Variants in ABR observed in about 807,000 individuals in gnomAD.
ABR encodes the protein active breakpoint cluster region-related protein.
ABR carries 35 observed loss-of-function variants against 107.2 expected under a neutral mutation model. That is an observed-to-expected ratio of 0.33 (90% confidence interval 0.25 to 0.43). The LOEUF is 0.43. ABR is among the 20% of genes least tolerant of loss of function. The pLI is 1.00. For synonymous variants in ABR, 498 were observed against 462.0 expected (o/e 1.08, Z -1.00); for missense variants, 815 against 1,115.2 (o/e 0.73, Z 3.83).
chr17:1,041,209 T>C (rs1201287045), intron 16 of ABR, among the ~76,000 whole-genome samples: 2 of 152,070 alleles, frequency 1.3e-5, no homozygotes, highest in East Asian at 3.9e-4. Context: ...TGAACCACCG[T>C]GCCTGGCCTA....
rs1007381758 is a variant in ABR at position 1,057,023 on chromosome 17, G to A, written c.1461C>T (p.Asn487=). Residue 487 remains asparagine, a synonymous_variant, in exon 13 of 23, where the codon AAC becomes AAT. Transcript: ENST00000302538. ...CGTCTTTATTGCTGGTGACAGGAAT[G>A]TTGTGTACAGTCCTAAGCTTGAAAC... ...GSCFKLRTVH[N]IPVTSNKDDD... is the part of the protein sequence containing the mutation. 1.1e-5 allele frequency: 18 copies of A among 1,611,486 alleles called. No homozygotes were observed. The highest frequency in any genetic ancestry group is 1.5e-5 in the Non-Finnish European group (18 of 1,178,076).
chr17:1,012,598 A>T (rs2070710729), intron 18 of ABR, 90 bp downstream of exon 18: 2 of 926,462 alleles, frequency 2.2e-6, no homozygotes, highest in Non-Finnish European at 3.4e-6. Context: ...AGGTGCCAGG[A>T]TGGGCACCGG....
At chr17:1,162,842 G>A (rs373135917) in intron 1 of ABR, among the ~76,000 whole-genome samples, 3 of 152,242 alleles carry the variant, frequency 2.0e-5, no homozygotes, top group African/African-American at 7.2e-5. Flanking sequence ...GGGAGGCTGA[G>A]GCAGGTGGAT....
rs56213538 is a variant in ABR at position 1,053,402 on chromosome 17, T to C, written c.1561+2633A>G. Among the ~76,000 whole-genome samples the C allele has an allele frequency of 9.3e-3, 119 of 12,740 alleles. 7 individuals are homozygous for C. The highest frequency in any genetic ancestry group is 0.024 in the African/African-American group (84 of 3,468). The allele number at this position is 12,740 out of a possible 152,430, so 8.4% of individuals were successfully genotyped here. The stretch of plus-strand genomic sequence containing the variant: ...GGTTCCGGAACGGGCTGGGGGAGGG[T>C]TCACAGGGTCAGAGGGAGGGTTCCG... On this transcript the variant is annotated intron_variant, in intron 14 of 22. Coordinates refer to ENST00000302538, the MANE Select transcript of ABR (RefSeq NM_021962.5).
chr17:1,050,753 C>T lies in ABR; in HGVS notation c.1562-119G>A, dbSNP rs2032392576. On this transcript the variant is annotated intron_variant, in intron 14 of 22. Coordinates refer to ENST00000302538, the MANE Select transcript of ABR (RefSeq NM_021962.5). The surrounding 1 kb of genome is among the most constrained non-coding windows in gnomAD (Gnocchi z 4.6). ...TCCTTTCCAACGTCCCCACGGATGG[C>T]ATCTTGGCTCTCTCCTCCCTGAAGC... The T allele has an allele frequency of 8.8e-6, 7 of 791,932 alleles. No individual in the cohort carries two copies. The highest frequency in any genetic ancestry group is 1.5e-5 in the Non-Finnish European group (7 of 467,288). The allele number at this position is 791,932 out of a possible 1,614,324, so 49.1% of individuals were successfully genotyped here. A position where few individuals can be genotyped will look rare whatever the true frequency, so the allele number is the denominator to read the frequency against.
At chr17:1,014,687 AT>A (rs1181743859) in intron 16 of ABR, among the ~76,000 whole-genome samples, 2 of 151,186 alleles carry the variant, frequency 1.3e-5, no homozygotes, top group East Asian at 2.0e-4. Context: ...AAAAAAAAAA[AT>A]ACAAAAAATT....
At chr17:1,109,314 C>T (rs1236180666) in intron 2 of ABR, among the ~76,000 whole-genome samples, 2 of 151,828 alleles carry the variant, frequency 1.3e-5, no homozygotes, top group African/African-American at 2.4e-5. Flanking sequence ...ACGCCGTGCC[C>T]GGCCCGTGGC....
At chr17:1,024,395 C>T (rs934312498) in intron 16 of ABR, among the ~76,000 whole-genome samples, 3 of 152,244 alleles carry the variant, frequency 2.0e-5, no homozygotes, top group Non-Finnish European at 4.4e-5. Flanking sequence ...TGAGAGCCTG[C>T]GCTGAGGCTG....
rs913419277 is a variant in ABR, at chr17:1,200,335, A to G, written c.838+28458T>C. Among the ~76,000 whole-genome samples, 6 of 152,086 alleles carry G rather than the reference A, an allele frequency of 3.9e-5. No individual in the cohort carries two copies. The highest frequency in any genetic ancestry group is 8.8e-5 in the Non-Finnish European group (6 of 68,022). On this transcript the variant is annotated intron_variant, in intron 1 of 22. Transcript: ENST00000574139. The surrounding 1 kb of genome is among the most constrained non-coding windows in gnomAD (Gnocchi z 4.1). ...GACGATCGCTTGAAGCCAGGAGTTC[A>G]AGACCAGCCTGGGCAACATAGCAAG... is the stretch of plus-strand genomic sequence containing the variant.
rs547992489 is a variant in ABR at position 1,092,786 on chromosome 17, G to C, written c.346-936C>G. ...CCTGATAACCTGCCATACAGGGAAG[G>C]TGTGGCAGGGAAGGGCAGGGTGGCC... On this transcript the variant is annotated intron_variant, in intron 3 of 22. Transcript: ENST00000302538. This position sits in a 1 kb window ranked among gnomAD's most constrained non-coding sequence, Gnocchi z 4.6. 6.6e-6 allele frequency among the ~76,000 whole-genome samples: 1 copy of C among 151,928 alleles called. No homozygotes were observed. The highest frequency in any genetic ancestry group is 1.9e-4 in the East Asian group (1 of 5,164).
rs2042052893 is a variant in ABR at position 1,179,654 on chromosome 17, C to T, written c.61+13G>A. The stretch of plus-strand genomic sequence containing the variant: ...CCCGATCCTGGGGTCCCGCCCCCGC[C>T]CGGCACACGTACTGCTGTAGAGGGT... On this transcript the variant is annotated intron_variant, in intron 1 of 22. Coordinates refer to ENST00000302538, the MANE Select transcript of ABR (RefSeq NM_021962.5). The surrounding 1 kb of genome is among the most constrained non-coding windows in gnomAD (Gnocchi z 4.9). The T allele has an allele frequency of 1.3e-6, 2 of 1,533,522 alleles. No individual in the cohort carries two copies. Among genetic ancestry groups the T allele is most frequent in the South Asian group, 2.4e-5 (2 of 82,210 alleles). 95.0% of individuals were successfully genotyped at this position (1,533,522 alleles called of 1,614,324 possible).
chr17:1,073,770 T>G, intron 6 of ABR, 93 bp from the exon 7 acceptor site: 64 of 1,092,202 alleles, frequency 5.9e-5, no homozygotes, highest in Non-Finnish European at 7.8e-5. Flanking sequence ...ACCCGCATGC[T>G]TCCCACGTGA....
At chr17:1,196,804 C>T (rs1392787012) in intron 1 of ABR, among the ~76,000 whole-genome samples, 3 of 151,946 alleles carry the variant, frequency 2.0e-5, no homozygotes, top group Non-Finnish European at 4.4e-5. Flanking sequence ...ATGCCATTCT[C>T]CTGCCTCAGC....
intron 2 of ABR, among the ~76,000 whole-genome samples, chr17:1,118,271 C>G: frequency 1.1e-5 from 1 of 91,564 alleles, no homozygotes; most frequent in African/African-American, 4.5e-5. Context: ...TATCCCTGAG[C>G]CTGAGTCCTC....
chr17:1,075,589 G>GC (rs5818779), intron 6 of ABR, among the ~76,000 whole-genome samples: 74,631 of 152,042 alleles, frequency 0.49, 19,779 homozygotes, highest in African/African-American at 0.7. Flanking sequence ...AGATACAGAT[G>GC]CTGCTCCCCA....
chr17:1,006,538 C>T (rs936246168), intron 22 of ABR, among the ~76,000 whole-genome samples: 3 of 152,202 alleles, frequency 2.0e-5, no homozygotes, highest in Admixed American at 2.0e-4. Context: ...CTTTCTGAGA[C>T]TGAGGCCCTC....
chr17:1,041,463 G>A (rs1277044576), intron 16 of ABR, among the ~76,000 whole-genome samples: 3 of 152,140 alleles, frequency 2.0e-5, no homozygotes, highest in Admixed American at 6.5e-5. Flanking sequence ...GGCCGGGTGC[G>A]GTGGCTCACG....
intron 20 of ABR, 48 bp from the exon 21 acceptor site, chr17:1,009,832 G>T: frequency 6.6e-7 from 1 of 1,519,506 alleles, no homozygotes; most frequent in East Asian, 2.3e-5. Flanking sequence ...GGGGCTCCCC[G>T]CCAGGGCCCC....
At chr17:1,168,780 A>G (rs1426979114) in intron 1 of ABR, among the ~76,000 whole-genome samples, 1 of 152,224 alleles carries the variant, frequency 6.6e-6, no homozygotes, top group Non-Finnish European at 1.5e-5. Context: ...TAGAAGCAGC[A>G]GCTCTCCTGA....
Sources: allele counts gnomAD v4.1 joint callset (sites outside exome capture counted in the v4.1 genomes callset), GRCh38; gene constraint gnomAD v4.1.1; non-coding constraint Gnocchi (gnomAD v3.1); transcripts MANE v1.5; gene names NCBI Gene and HGNC (gene_info 2026-07-23, HGNC 2026-07-21).